The following RAB10 variants were observed in gnomAD, a reference collection of about 807,000 sequenced individuals.
RAB10 encodes RAB10, member RAS oncogene family, also known as ras-related protein Rab-10.
Under a neutral mutation model 25.7 loss-of-function variants are expected in RAB10, and 5 were observed. The ratio of observed to expected loss-of-function variants is 0.19; its 90% CI spans 0.10 to 0.41. RAB10 has a LOEUF of 0.41. Ranked by LOEUF, RAB10 falls within the 10% of genes least tolerant of loss-of-function variation. RAB10 has a pLI of 1.00. For missense variants in RAB10, 103 were observed against 245.8 expected (o/e 0.42, Z 3.89); for synonymous variants, 89 against 86.4 (o/e 1.03, Z -0.16).
At position 26,079,028 on chromosome 2, in the gene RAB10, A is replaced by G. The variant is rs533090300; in HGVS notation, c.128-19634A>G. Among the ~76,000 whole-genome samples, 21 of 152,272 alleles carry G rather than the reference A, an allele frequency of 1.4e-4. No individual in the cohort carries two copies. In the East Asian group the frequency reaches 3.9e-3, roughly 28 times the overall value. On this transcript the variant is annotated intron_variant, in intron 1 of 5. Transcript: ENST00000264710. ...ATGATAAAACCCTGCCTCTACTACA[A>G]ATACAAAAATTAGCTGAGTATGGTG...
chr2:26,072,767 A>G (rs1666655239), intron 1 of RAB10, among the ~76,000 whole-genome samples: 1 of 152,262 alleles, frequency 6.6e-6, no homozygotes, highest in Non-Finnish European at 1.5e-5. Context: ...AGTGTTATCT[A>G]TTAAGCTAAA....
chr2:26,093,030 G>GA (rs1462262158), intron 1 of RAB10, among the ~76,000 whole-genome samples: 1 of 152,152 alleles, frequency 6.6e-6, no homozygotes, highest in African/African-American at 2.4e-5. Context: ...CCAAGAGTTT[G>GA]AAGGGATAGG....
intron 1 of RAB10, among the ~76,000 whole-genome samples, chr2:26,061,380 G>A (rs1666391366): frequency 6.6e-6 from 1 of 151,866 alleles, no homozygotes; most frequent in South Asian, 2.1e-4. Flanking sequence ...GCCTCCCAAA[G>A]TGCTGGGATT....
intron 1 of RAB10, among the ~76,000 whole-genome samples, chr2:26,077,385 GTAT>G (rs1180777415): frequency 3.9e-5 from 6 of 152,108 alleles, no homozygotes; most frequent in East Asian, 1.9e-4. Context: ...TCTTGCTTTT[GTAT>G]TATTGTCCAT....
chr2:26,089,287 A>T (rs1667054264), intron 1 of RAB10, among the ~76,000 whole-genome samples: 1 of 151,860 alleles, frequency 6.6e-6, no homozygotes, highest in Non-Finnish European at 1.5e-5. Flanking sequence ...GCCGGGCATG[A>T]TGGTGGGTGC....
intron 1 of RAB10, among the ~76,000 whole-genome samples, chr2:26,096,211 G>T (rs889684102): frequency 6.6e-6 from 1 of 152,172 alleles, no homozygotes; most frequent in African/African-American, 2.4e-5. Context: ...TGTTAGCCCT[G>T]TCTTTCACTT....
chr2:26,116,396 G>T (rs1031013775), intron 3 of RAB10, among the ~76,000 whole-genome samples: 2 of 151,976 alleles, frequency 1.3e-5, no homozygotes, highest in Admixed American at 6.6e-5. Flanking sequence ...ATATAATATA[G>T]GTTGGTGTGG....
chr2:26,072,956 T>G (rs1442851119), intron 1 of RAB10, among the ~76,000 whole-genome samples: 2 of 152,232 alleles, frequency 1.3e-5, no homozygotes, highest in Non-Finnish European at 2.9e-5. Context: ...GTTGAGATCC[T>G]CAGGAACTTG....
intron 1 of RAB10, among the ~76,000 whole-genome samples, chr2:26,066,427 A>G (rs1666513376): frequency 6.6e-6 from 1 of 152,240 alleles, no homozygotes; most frequent in African/African-American, 2.4e-5. Flanking sequence ...TTTGAATTAA[A>G]TGTTGATTGT....
intron 1 of RAB10, among the ~76,000 whole-genome samples, chr2:26,035,490 G>C (rs77074135): frequency 0.024 from 3,714 of 152,248 alleles, 150 homozygotes; most frequent in African/African-American, 0.086. Context: ...CTTTCACCAT[G>C]TTTCAGAATT....
intron 1 of RAB10, among the ~76,000 whole-genome samples, chr2:26,092,911 C>T (rs975459083): frequency 6.6e-6 from 1 of 152,010 alleles, no homozygotes; most frequent in Non-Finnish European, 1.5e-5. Context: ...GGGTAAATGA[C>T]CCTTTTTTCT....
At chr2:26,084,213 A>G (rs1337945816) in intron 1 of RAB10, among the ~76,000 whole-genome samples, 1 of 152,148 alleles carries the variant, frequency 6.6e-6, no homozygotes, top group Non-Finnish European at 1.5e-5. Context: ...TTCCTTGACC[A>G]CCTCATATAA....
intron 3 of RAB10, among the ~76,000 whole-genome samples, chr2:26,123,087 G>T (rs1667839288): frequency 6.6e-6 from 1 of 152,134 alleles, no homozygotes; most frequent in African/African-American, 2.4e-5. Flanking sequence ...TTTTGAAGCT[G>T]CCAGTTTTTT....
chr2:26,057,414 G>A (rs1666292456), intron 1 of RAB10, among the ~76,000 whole-genome samples: 1 of 150,268 alleles, frequency 6.7e-6, no homozygotes, highest in Non-Finnish European at 1.5e-5. Context: ...ATTCCAGCCT[G>A]GGCAACATAG....
chr2:26,110,292 T>G (rs1667542886), intron 3 of RAB10, among the ~76,000 whole-genome samples: 1 of 147,074 alleles, frequency 6.8e-6, no homozygotes, highest in Non-Finnish European at 1.5e-5. Context: ...GAGCCAAGAT[T>G]GCGCCACTGC....
At chr2:26,128,026 G>T (rs981025663) in intron 5 of RAB10, 75 bp downstream of exon 5, 1 of 1,258,994 alleles carries the variant, frequency 7.9e-7, no homozygotes, top group African/African-American at 1.5e-5. Context: ...TGAAGTACTG[G>T]ATTTACATAC....
At chr2:26,044,084 G>C (rs1250486664) in intron 1 of RAB10, among the ~76,000 whole-genome samples, 2 of 152,166 alleles carry the variant, frequency 1.3e-5, no homozygotes, top group Non-Finnish European at 2.9e-5. Context: ...ACAATGGTGT[G>C]ATACACTTAA....
rs558393702 is a variant in RAB10 at position 26,077,721 on chromosome 2, T to C, written c.128-20941T>C. ...GAGGCTGGGCACAGTGGCTCAGGCCTGTAATCCCAGCACTTTGGGAGGCTG... is the reference window on the plus strand; with the variant it reads ...GAGGCTGGGCACAGTGGCTCAGGCCCGTAATCCCAGCACTTTGGGAGGCTG... On this transcript the variant is annotated intron_variant, in intron 1 of 5. Transcript: ENST00000264710. Among the ~76,000 whole-genome samples the C allele has an allele frequency of 4.3e-4, 65 of 152,322 alleles. 2 individuals carry two copies. The South Asian group carries it at 0.013, about 30-fold the overall frequency.
At chr2:26,121,809 A>G (rs1306699435) in intron 3 of RAB10, among the ~76,000 whole-genome samples, 1 of 152,228 alleles carries the variant, frequency 6.6e-6, no homozygotes, top group Non-Finnish European at 1.5e-5. Context: ...TAACTAATAC[A>G]TACTGTACTA....
Sources: allele counts gnomAD v4.1 joint callset (sites outside exome capture counted in the v4.1 genomes callset), GRCh38; gene constraint gnomAD v4.1.1; transcripts MANE v1.5; gene names NCBI Gene and HGNC (gene_info 2026-07-23, HGNC 2026-07-21).